Variants in LACTB2 observed in about 807,000 individuals in gnomAD.
The protein encoded by LACTB2 is endoribonuclease LACTB2.
LACTB2 carries 32 observed loss-of-function variants against 34.8 expected under a neutral mutation model. That is an observed-to-expected ratio of 0.92 (90% confidence interval 0.69 to 1.24). The LOEUF is 1.24. LACTB2 is among the 50% of genes most tolerant of loss of function. LACTB2 has a pLI of 0.00. For synonymous variants in LACTB2, 120 were observed against 117.5 expected, an observed-to-expected ratio of 1.02 and a Z score of -0.14; for missense variants, 320 against 345.0, an observed-to-expected ratio of 0.93 and a Z score of 0.57.
At chr8:70,646,148 C>T (rs1818261339) in intron 3 of LACTB2, 1 of 152,172 alleles carries the variant, frequency 6.6e-6, no homozygotes, top group African/African-American at 2.4e-5. Flanking sequence ...ACATCCTCTC[C>T]AGCACCTGTT....
At chr8:70,658,075 C>T (rs1818434740) in intron 2 of LACTB2, among the ~76,000 whole-genome samples, 193 bp from the exon 3 acceptor site, 1 of 152,108 alleles carries the variant, frequency 6.6e-6, no homozygotes, top group Non-Finnish European at 1.5e-5. Context: ...CCAAACAGCT[C>T]TTCATTCTTT....
At chr8:70,640,815 G>A in intron 5 of LACTB2, 87 bp downstream of exon 5, 4 of 1,313,020 alleles carry the variant, frequency 3.0e-6, no homozygotes, top group Non-Finnish European at 4.0e-6. Flanking sequence ...TCTGATCTGG[G>A]ATATAAGTTT....
chr8:70,668,757 T>G (rs80246452), intron 1 of LACTB2, among the ~76,000 whole-genome samples: 11 of 145,634 alleles, frequency 7.6e-5, no homozygotes, highest in African/African-American at 2.6e-4. Context: ...AGTTTTTTTT[T>G]TTTTTTTTTT....
chr8:70,658,661 G>C (rs984960908), intron 2 of LACTB2, among the ~76,000 whole-genome samples: 7 of 152,164 alleles, frequency 4.6e-5, no homozygotes, highest in Non-Finnish European at 1.5e-5. Context: ...AGAACTTGAG[G>C]TGTGACTTAC....
chr8:70,655,231 T>A (rs1030190031), intron 3 of LACTB2, among the ~76,000 whole-genome samples: 112 of 151,902 alleles, frequency 7.4e-4, no homozygotes, highest in African/African-American at 2.6e-3. Flanking sequence ...TTTTTTTTTT[T>A]TTTTTGAGAG....
chr8:70,667,477 G>C (rs189049568), intron 1 of LACTB2, among the ~76,000 whole-genome samples: 110 of 152,222 alleles, frequency 7.2e-4, no homozygotes, highest in African/African-American at 2.5e-3. Context: ...CAACTATATG[G>C]AGAAATAATT....
In LACTB2 at chr8:70,665,252, G is replaced by T. The variant is rs151012766; in HGVS notation, c.123-3355C>A. Among the ~76,000 whole-genome samples the T allele has an allele frequency of 1.8e-3, 273 of 152,280 alleles. 3 individuals are homozygous for T. The highest frequency in any genetic ancestry group is 0.014 in the Admixed American group (221 of 15,300). On this transcript the variant is annotated intron_variant, in intron 1 of 6. Coordinates refer to ENST00000276590, the MANE Select transcript of LACTB2 (RefSeq NM_016027.3). ...CAAATTATGCTAATGAAGGGCTCAA[G>T]GGAAGAGTATGGATGAATCTGTATA... is the stretch of plus-strand genomic sequence containing the variant.
intron 3 of LACTB2, among the ~76,000 whole-genome samples, chr8:70,649,102 T>C (rs758036777): frequency 2.1e-4 from 32 of 152,198 alleles, no homozygotes; most frequent in Non-Finnish European, 4.6e-4. Flanking sequence ...AAAAGGATAC[T>C]TTCAGATATC....
chr8:70,662,203 C>T (rs1252631513), intron 1 of LACTB2: 1 of 198,182 alleles, frequency 5.0e-6, no homozygotes, highest in Non-Finnish European at 1.0e-5. Context: ...AATTACATTC[C>T]TCGTAACAAC....
At chr8:70,650,783 C>T (rs186809877) in intron 3 of LACTB2, among the ~76,000 whole-genome samples, 1 of 149,574 alleles carries the variant, frequency 6.7e-6, no homozygotes, top group African/African-American at 2.4e-5. Flanking sequence ...CAGATAAAGC[C>T]CCAAACTGAC....
At chr8:70,661,136 CAG>C (rs1818477012) in intron 2 of LACTB2, 5 of 438,406 alleles carry the variant, frequency 1.1e-5, no homozygotes, top group African/African-American at 4.0e-5. Context: ...TCCATGAGAA[CAG>C]AGTCTGTTTT....
chr8:70,662,063 TAAGA>T (rs942935158), intron 1 of LACTB2, 166 bp from the exon 2 acceptor site: 3 of 525,432 alleles, frequency 5.7e-6, no homozygotes, highest in Non-Finnish European at 9.7e-6. Flanking sequence ...AATCTCACCC[TAAGA>T]AAGTTTTCTG....
Position 70,637,605 on chromosome 8 carries a change from T to C in LACTB2, c.*255A>G, listed in dbSNP as rs1237878531. The stretch of plus-strand genomic sequence containing the variant: ...TTTTTAAAGTAATCATTTTATTTAA[T>C]CTATTGAAAACTGATAAACTATTAG... On this transcript the variant is annotated 3_prime_UTR_variant, in exon 7 of 7. Transcript: ENST00000276590. 2 of 245,546 alleles carry C rather than the reference T, an allele frequency of 8.1e-6. No individual in the cohort carries two copies. Among genetic ancestry groups the C allele is most frequent in the Non-Finnish European group, 7.8e-6 (1 of 128,372 alleles). 15.2% of individuals were successfully genotyped at this position (245,546 alleles called of 1,614,324 possible). A position where few individuals can be genotyped will look rare whatever the true frequency, so the allele number is the denominator to read the frequency against.
chr8:70,664,260 G>A (rs971249364), intron 1 of LACTB2, among the ~76,000 whole-genome samples: 18 of 152,048 alleles, frequency 1.2e-4, no homozygotes, highest in African/African-American at 4.3e-4. Flanking sequence ...TTGCCTTCCC[G>A]TCCTCCCAAG....
intron 2 of LACTB2, chr8:70,661,225 A>C: frequency 2.8e-6 from 1 of 356,532 alleles, no homozygotes; most frequent in Non-Finnish European, 5.5e-6. Context: ...GAATGAATGA[A>C]TGAATCTAGG....
At chr8:70,656,649 G>A (rs1397760176) in intron 3 of LACTB2, among the ~76,000 whole-genome samples, 1 of 152,132 alleles carries the variant, frequency 6.6e-6, no homozygotes, top group African/African-American at 2.4e-5. Flanking sequence ...GCTTAGTCTT[G>A]CTTTGGCTAT....
At chr8:70,641,509 T>A (rs1818199333) in intron 4 of LACTB2, among the ~76,000 whole-genome samples, 1 of 152,178 alleles carries the variant, frequency 6.6e-6, no homozygotes, top group African/African-American at 2.4e-5. Context: ...CCGTCCACAG[T>A]TACATAGCTA....
rs1979452 is a variant in LACTB2, at chr8:70,637,379, G to A, written c.*481C>T. The A allele has an allele frequency of 6.6e-6, 1 of 152,066 alleles. No homozygotes were observed. The highest frequency in any genetic ancestry group is 1.5e-5 in the Non-Finnish European group (1 of 68,004). 9.4% of individuals were successfully genotyped at this position (152,066 alleles called of 1,614,324 possible). ...ATGATACAGAGTTATGGAACCAATA[G>A]ATAGTCATGATATAGTTGATAGAAA... On this transcript the variant is annotated 3_prime_UTR_variant, in exon 7 of 7. Coordinates refer to ENST00000276590, the MANE Select transcript of LACTB2 (RefSeq NM_016027.3).
chr8:70,645,642 C>T (rs1437138908), intron 3 of LACTB2, among the ~76,000 whole-genome samples: 1 of 130,812 alleles, frequency 7.6e-6, no homozygotes, highest in Non-Finnish European at 1.6e-5. Flanking sequence ...CTATCCCTCC[C>T]CCTCCCCCCA....
Sources: gnomAD v4.1 joint callset for allele counts (sites outside exome capture counted in the v4.1 genomes callset) on GRCh38, gnomAD v4.1.1 for gene constraint, MANE v1.5 for transcripts, NCBI Gene and HGNC (gene_info 2026-07-23, HGNC 2026-07-21) for gene names.